TGDS: variants seen among roughly 807,000 people sequenced by gnomAD.
The protein encoded by TGDS is UDP-D-glucose 4,6-dehydratase.
TGDS carries 47 observed loss-of-function variants against 52.3 expected under a neutral mutation model. That is an observed-to-expected ratio of 0.90 (90% CI 0.71 to 1.15). The LOEUF (loss-of-function observed/expected upper bound fraction) is 1.15. Among genes scored for constraint, TGDS ranks in the 50% most tolerant of loss-of-function variants. The pLI is 0.00. For synonymous variants in TGDS, 115 were observed against 136.9 expected (o/e 0.84, Z 1.12); for missense variants, 375 against 418.4 (o/e 0.90, Z 0.90).
intron 4 of TGDS, 103 bp from the exon 5 acceptor site, chr13:94,583,339 A>G: frequency 8.5e-7 from 1 of 1,179,752 alleles, no homozygotes; most frequent in Non-Finnish European, 1.2e-6. Flanking sequence ...ACTGTTCTTC[A>G]TTTACCACAG....
At chr13:94,578,828 T>A in intron 7 of TGDS, 55 bp from the exon 8 acceptor site, 4 of 1,079,514 alleles carry the variant, frequency 3.7e-6, no homozygotes, top group Admixed American at 2.3e-5. Context: ...TTAGTATGAA[T>A]CTGAACTCAT....
chr13:94,590,886 T>C lies in TGDS; in HGVS notation c.280A>G (p.Ile94Val), dbSNP rs753002918. Residue 94 changes from isoleucine to valine, a missense_variant, in exon 4 of 12, where the codon ATA (isoleucine) becomes GTA (valine). Coordinates refer to ENST00000261296, the MANE Select transcript of TGDS (RefSeq NM_014305.4). ...KLLFETEKID[I>V]VLHFAAQTHV... ...GTTTGTGCGGCAAAATGTAGTACTA[T>C]ATCTATTTTCTCTGTTTCAAAAAGC... 1 of 1,577,008 alleles carries C rather than the reference T, an allele frequency of 6.3e-7. No individual in the cohort carries two copies. Among genetic ancestry groups the C allele is most frequent in the South Asian group, 1.2e-5 (1 of 83,336 alleles).
intron 8 of TGDS, 87 bp downstream of exon 8, chr13:94,578,643 T>A: frequency 9.7e-7 from 1 of 1,028,038 alleles, no homozygotes; most frequent in South Asian, 1.4e-5. Context: ...TCTATGGCCT[T>A]TAAGACTTTA....
chr13:94,588,421 C>CAAAAAAA (rs150186125), intron 4 of TGDS, among the ~76,000 whole-genome samples: 75 of 58,492 alleles, frequency 1.3e-3, no homozygotes, highest in African/African-American at 4.7e-3. Context: ...GACTCTGTCT[C>CAAAAAAA]AAAAAAAAAA....
At position 94,583,111 on chromosome 13, in the gene TGDS, CAT is replaced by C. The variant is rs1461771847; in HGVS notation, c.437_438del (p.Tyr146TrpfsTer5). On this transcript the variant is annotated frameshift_variant, in exon 5 of 12. Transcript: ENST00000261296. LOFTEE classifies it high-confidence loss of function. ...AAGCTCACCTTATCAAGACTGCCAC[CAT>C]ATACTTCATCTGTGCTGACATAAAT... The part of the protein sequence containing the change: ...KFIYVSTDEV[Y>X]GGSLDKEFDE... 3 of 1,613,336 alleles carry C rather than the reference CAT, an allele frequency of 1.9e-6. No individual in the cohort carries two copies. The highest frequency in any genetic ancestry group is 1.7e-6 in the Non-Finnish European group (2 of 1,179,796).
chr13:94,583,683 G>A (rs1252751531), intron 4 of TGDS, among the ~76,000 whole-genome samples: 1 of 152,064 alleles, frequency 6.6e-6, no homozygotes, highest in Non-Finnish European at 1.5e-5. Context: ...CTTCCTTAAT[G>A]ATGAATCACA....
At chr13:94,575,285 C>CTTTTTTT (rs66717082) in intron 11 of TGDS, among the ~76,000 whole-genome samples, 1 of 113,204 alleles carries the variant, frequency 8.8e-6, no homozygotes, top group Non-Finnish European at 1.8e-5. Flanking sequence ...AACTTCCTTG[C>CTTTTTTT]TTTTTTTTTT....
In TGDS at chr13:94,581,089, A is replaced by C. The variant is rs1193718705; in HGVS notation, c.555+2T>G. The C allele has an allele frequency of 6.6e-7, 1 of 1,517,226 alleles. No individual in the cohort carries two copies. Among genetic ancestry groups the C allele is most frequent in the African/African-American group, 1.4e-5 (1 of 72,810 alleles). The allele number at this position is 1,517,226 out of a possible 1,614,324, so 94.0% of individuals were successfully genotyped here. On this transcript the variant is annotated splice_donor_variant, in intron 6 of 11. Transcript: ENST00000261296. LOFTEE classifies it high-confidence loss of function. ...TCAAGAGTTTCTGCAATCAGTTCTT[A>C]CCTTATATTGTTCCCAGTAAGACTG...
chr13:94,596,244 G>A (rs1594463176), upstream of TGDS: 4 of 1,246,480 alleles, frequency 3.2e-6, no homozygotes, highest in Admixed American at 2.3e-5. Flanking sequence ...CACGTTAACA[G>A]AGCAGCCAGA....
chr13:94,583,052 G>T (rs780053532), intron 5 of TGDS, 42 bp downstream of exon 5: 2 of 1,598,024 alleles, frequency 1.3e-6, no homozygotes, highest in Non-Finnish European at 8.5e-7. Flanking sequence ...CTGTATCATG[G>T]TACATGGTTA....
intron 11 of TGDS, 99 bp from the exon 12 acceptor site, chr13:94,574,951 G>T: frequency 1.5e-6 from 1 of 667,374 alleles, no homozygotes; most frequent in Non-Finnish European, 2.5e-6. Flanking sequence ...GCTAAGTCTT[G>T]CCCATCAGCT....
rs371582858 is a variant in TGDS at position 94,591,247 on chromosome 13, C to G, written c.223-304G>C. On this transcript the variant is annotated intron_variant, in intron 3 of 11. Transcript: ENST00000261296. Reference sequence around the variant, plus strand: ...CCAAGGCCACTATATTAATACAAAACTTTTTTTAGCACTTTTTAAAAAACC... The same window carrying G: ...CCAAGGCCACTATATTAATACAAAAGTTTTTTTAGCACTTTTTAAAAAACC... Among the ~76,000 whole-genome samples, 15 of 152,244 alleles carry G rather than the reference C, an allele frequency of 9.9e-5. No homozygotes were observed. In the South Asian group the frequency reaches 2.9e-3, roughly 29 times the overall value.
At chr13:94,590,971 C>T (rs759786147) in intron 3 of TGDS, 28 bp from the exon 4 acceptor site, 1 of 1,516,280 alleles carries the variant, frequency 6.6e-7, no homozygotes, top group Non-Finnish European at 8.9e-7. Context: ...CATGAAAGGG[C>T]CTAGGTTTCA....
intron 4 of TGDS, among the ~76,000 whole-genome samples, chr13:94,590,207 T>A (rs1036575201): frequency 2.7e-5 from 4 of 147,904 alleles, no homozygotes; most frequent in African/African-American, 9.8e-5. Context: ...ATATATTAAG[T>A]ATATTTATAT....
chr13:94,577,606 C>G (rs1031842060), intron 9 of TGDS, among the ~76,000 whole-genome samples, 177 bp from the exon 10 acceptor site: 2 of 152,124 alleles, frequency 1.3e-5, no homozygotes, highest in Non-Finnish European at 2.9e-5. Context: ...ATCTGAAGCT[C>G]AGATATACAC....
rs769389711 is a variant in TGDS at position 94,583,229 on chromosome 13, T to C, written c.321A>G (p.Ser107=). ...HFAAQTHVDL[S]FVRAFEFTYV... ...AGGTAAACTCAAAGGCACGTACGAA[T>C]GAAAGATCTAAAAGAAAAGAGTGAA... The change falls in exon 5 of 12, where the codon TCA becomes TCG. Residue 107 remains serine (S), a synonymous_variant. Transcript: ENST00000261296. The C allele has an allele frequency of 3.1e-6, 5 of 1,611,378 alleles. No individual in the cohort carries two copies. The highest frequency in any genetic ancestry group is 2.7e-5 in the African/African-American group (2 of 74,724).
intron 4 of TGDS, among the ~76,000 whole-genome samples, chr13:94,586,883 C>G (rs898916711): frequency 6.6e-6 from 1 of 151,358 alleles, no homozygotes; most frequent in Non-Finnish European, 1.5e-5. Context: ...CTCAGCCTCC[C>G]AAGTAGCTGG....
At chr13:94,596,158 G>A (rs372368948), upstream of TGDS, 4 of 1,611,056 alleles carry the variant, frequency 2.5e-6, no homozygotes, top group African/African-American at 5.3e-5. Flanking sequence ...GCAGTGCCTA[G>A]TACCGTAAAG....
chr13:94,578,840 C>A, intron 7 of TGDS, 67 bp from the exon 8 acceptor site: 1 of 982,258 alleles, frequency 1.0e-6, no homozygotes, highest in Non-Finnish European at 1.5e-6. Flanking sequence ...TGAACTCATA[C>A]CAAAATTAAA....
Sources: allele counts gnomAD v4.1 joint callset (sites outside exome capture counted in the v4.1 genomes callset), GRCh38; gene constraint gnomAD v4.1.1; transcripts MANE v1.5; gene names NCBI Gene and HGNC (gene_info 2026-07-23, HGNC 2026-07-21).